C2orf42: variants seen among roughly 807,000 people sequenced by gnomAD.
C2orf42 encodes the protein chromosome 2 open reading frame 42.
A neutral mutation model predicts 58.9 loss-of-function variants in C2orf42; 44 were observed. The ratio of observed to expected loss-of-function variants is 0.75; its 90% CI spans 0.59 to 0.96. C2orf42 has a LOEUF of 0.96. Ranked by LOEUF, C2orf42 falls within the 40% of genes least tolerant of loss-of-function variation. The probability of loss-of-function intolerance (pLI) is 0.00; values close to 1 mark genes in which losing one functional copy is unlikely to be tolerated. For synonymous variants in C2orf42, 239 were observed against 265.4 expected (o/e 0.90, Z 0.97); for missense variants, 630 against 699.2 (o/e 0.90, Z 1.12).
chr2:70,186,904 G>A (rs1200449521), intron 1 of C2orf42, among the ~76,000 whole-genome samples: 2 of 149,272 alleles, frequency 1.3e-5, no homozygotes, highest in African/African-American at 4.9e-5. Flanking sequence ...ATTGAACAAT[G>A]AGAACACATG....
intron 8 of C2orf42, among the ~76,000 whole-genome samples, chr2:70,161,803 G>A (rs2104867046): frequency 6.9e-6 from 1 of 145,946 alleles, no homozygotes; most frequent in Admixed American, 7.2e-5. Context: ...TCACATGATT[G>A]CACTCCAGAC....
intron 1 of C2orf42, among the ~76,000 whole-genome samples, chr2:70,189,861 TAA>T (rs545729870): frequency 5.6e-5 from 8 of 143,166 alleles, no homozygotes; most frequent in East Asian, 2.0e-4. Flanking sequence ...CCCTGTCTCT[TAA>T]AAAAAAAAAA....
chr2:70,156,241 G>A (rs553501020), intron 9 of C2orf42, among the ~76,000 whole-genome samples: 1 of 151,822 alleles, frequency 6.6e-6, no homozygotes, highest in South Asian at 2.1e-4. Context: ...TAAGACAAAA[G>A]ACCAACTATA....
chr2:70,182,603 G>C (rs1421938082), intron 2 of C2orf42, 64 bp downstream of exon 2: 1 of 152,134 alleles, frequency 6.6e-6, no homozygotes, highest in Non-Finnish European at 1.5e-5. Flanking sequence ...GCAAGAATTA[G>C]AGAACATGAA....
chr2:70,182,169 G>A (rs1446078567), intron 2 of C2orf42, among the ~76,000 whole-genome samples, 172 bp from the exon 3 acceptor site: 2 of 151,956 alleles, frequency 1.3e-5, no homozygotes, highest in African/African-American at 2.4e-5. Flanking sequence ...GCGCGATCTC[G>A]GCTCACTGCA....
intron 6 of C2orf42, 126 bp from the exon 7 acceptor site, chr2:70,165,761 TAC>T: frequency 3.3e-6 from 2 of 614,134 alleles, no homozygotes; most frequent in Non-Finnish European, 5.8e-6. Flanking sequence ...GATTTCTTTA[TAC>T]AGAGGCAAAA....
At chr2:70,156,499 A>T (rs760747845) in intron 9 of C2orf42, among the ~76,000 whole-genome samples, 2 of 151,988 alleles carry the variant, frequency 1.3e-5, no homozygotes, top group Non-Finnish European at 2.9e-5. Flanking sequence ...CTGTCTCTGA[A>T]AAAAGATTCC....
chr2:70,181,662 A>G lies in C2orf42; in HGVS notation c.324T>C (p.Thr108=). ...CATAACACCGTCCAGAGCTCAGCTG[A>G]GTGATGATCGTCCCATCCACTGTCT... ...TIQTVDGTII[T]QLSSGRCYVP... The change falls in exon 3 of 10, where the codon ACT becomes ACC. Residue 108 remains threonine, a synonymous_variant. Coordinates refer to ENST00000264434, the MANE Select transcript of C2orf42 (RefSeq NM_017880.3). 6.2e-7 allele frequency: 1 copy of G among 1,614,120 alleles called. No homozygotes were observed. Among genetic ancestry groups the G allele is most frequent in the Non-Finnish European group, 8.5e-7 (1 of 1,180,016 alleles).
intron 1 of C2orf42, among the ~76,000 whole-genome samples, chr2:70,188,523 A>G (rs765257972): frequency 2.6e-5 from 4 of 152,172 alleles, no homozygotes; most frequent in Non-Finnish European, 5.9e-5. Context: ...TAAATCTTTT[A>G]GACTAATTTT....
chr2:70,183,603 G>A (rs893545184), intron 1 of C2orf42, among the ~76,000 whole-genome samples: 6 of 151,028 alleles, frequency 4.0e-5, no homozygotes, highest in Admixed American at 1.3e-4. Flanking sequence ...CTAATTTTTT[G>A]TATTTTTAGT....
rs1375995397 is a variant in C2orf42 at position 70,181,290 on chromosome 2, G to A, written c.696C>T (p.His232=). 2 of 1,613,948 alleles carry A rather than the reference G, an allele frequency of 1.2e-6. No homozygotes were observed. Among genetic ancestry groups the A allele is most frequent in the African/African-American group, 2.7e-5 (2 of 75,030 alleles). Residue 232 remains histidine (H), a synonymous_variant, in exon 3 of 10, where the codon CAC becomes CAT. Coordinates refer to ENST00000264434, the MANE Select transcript of C2orf42 (RefSeq NM_017880.3). ...FFCSCQTLKS[H]KSNASKDETA... ...TCTCATCCTTGGAGGCATTTGACTTGTGCGATTTCAGAGTCTGACAGGAGC... is the reference window on the plus strand; with the variant it reads ...TCTCATCCTTGGAGGCATTTGACTTATGCGATTTCAGAGTCTGACAGGAGC...
At chr2:70,162,385 C>A (rs762101664) in intron 8 of C2orf42, among the ~76,000 whole-genome samples, 1 of 151,488 alleles carries the variant, frequency 6.6e-6, no homozygotes, top group African/African-American at 2.4e-5. Flanking sequence ...CACTGGCTCA[C>A]GCCTGTAATC....
At chr2:70,160,513 G>A in intron 9 of C2orf42, 112 bp downstream of exon 9, 1 of 677,596 alleles carries the variant, frequency 1.5e-6, no homozygotes. Context: ...CCTTTACAAG[G>A]TGAATGAATG....
intron 4 of C2orf42, among the ~76,000 whole-genome samples, chr2:70,178,684 C>A (rs992453134): frequency 7.9e-5 from 12 of 151,592 alleles, no homozygotes; most frequent in Non-Finnish European, 1.8e-4. Context: ...CCTGTAATCC[C>A]AGCACTATGG....
chr2:70,190,282 G>A (rs1675261848), intron 1 of C2orf42: 1 of 152,192 alleles, frequency 6.6e-6, no homozygotes, highest in African/African-American at 2.4e-5. Context: ...GTTAACCCGC[G>A]ATGGGTTTCC....
chr2:70,172,706 C>T (rs1041214921), intron 5 of C2orf42, among the ~76,000 whole-genome samples: 2 of 152,032 alleles, frequency 1.3e-5, no homozygotes, highest in Non-Finnish European at 2.9e-5. Flanking sequence ...CCGCCAACAA[C>T]AAAATATCTT....
At chr2:70,188,896 G>A (rs1015858719) in intron 1 of C2orf42, among the ~76,000 whole-genome samples, 2 of 152,054 alleles carry the variant, frequency 1.3e-5, no homozygotes, top group African/African-American at 4.8e-5. Flanking sequence ...TTGATATTCT[G>A]ACCCAGCAAT....
chr2:70,181,362 A>AC lies in C2orf42; in HGVS notation c.623_624insG (p.Phe208LeufsTer12). On this transcript the variant is annotated frameshift_variant, in exon 3 of 10. Transcript: ENST00000264434. LOFTEE classifies it high-confidence loss of function. ...AGCTTTTGCCACTGACTTTCTGCAC[A>AC]AAAGATGTATGCAAATACCCCAAAC... is the stretch of plus-strand genomic sequence containing the variant. 6.2e-7 allele frequency: 1 copy of AC among 1,614,164 alleles called. No homozygotes were observed. The highest frequency in any genetic ancestry group is 8.5e-7 in the Non-Finnish European group (1 of 1,180,012).
intron 4 of C2orf42, among the ~76,000 whole-genome samples, 183 bp from the exon 5 acceptor site, chr2:70,175,960 G>A (rs546658602): frequency 6.6e-6 from 1 of 152,184 alleles, no homozygotes; most frequent in African/African-American, 2.4e-5. Context: ...CTCTTTATAG[G>A]AAATTGGGTG....
Sources: gnomAD v4.1 joint callset for allele counts (sites outside exome capture counted in the v4.1 genomes callset) on GRCh38, gnomAD v4.1.1 for gene constraint, MANE v1.5 for transcripts, NCBI Gene and HGNC (gene_info 2026-07-23, HGNC 2026-07-21) for gene names.